Variants in CTNNA3 observed in about 807,000 individuals in gnomAD.
CTNNA3 encodes the protein catenin alpha 3, also known as catenin alpha-3.
CTNNA3 carries 76 observed loss-of-function variants against 95.7 expected under a neutral mutation model. The ratio of observed to expected loss-of-function variants is 0.79; its 90% CI spans 0.66 to 0.96. CTNNA3 has a LOEUF of 0.96. Among genes scored for constraint, CTNNA3 ranks in the 40% least tolerant of loss-of-function variants. The pLI is 0.00. For synonymous variants in CTNNA3, 431 were observed against 374.4 expected (o/e 1.15, Z -1.74); for missense variants, 1,191 against 1,089.8 (o/e 1.09, Z -1.31).
chr10:66,331,352 T>G (rs1341941670), intron 12 of CTNNA3, among the ~76,000 whole-genome samples: 1 of 121,890 alleles, frequency 8.2e-6, no homozygotes, highest in Non-Finnish European at 1.7e-5. Flanking sequence ...GTTTTTTTTT[T>G]TTTTTTTTTT....
chr10:66,829,793 A>G (rs1460838661), intron 7 of CTNNA3, among the ~76,000 whole-genome samples: 1 of 151,546 alleles, frequency 6.6e-6, no homozygotes, highest in African/African-American at 2.4e-5. Context: ...ACCACCACCT[A>G]CTGATCAGAA....
chr10:67,279,971 C>T (rs900297677), intron 5 of CTNNA3, among the ~76,000 whole-genome samples: 1 of 150,530 alleles, frequency 6.6e-6, no homozygotes, highest in African/African-American at 2.5e-5. Flanking sequence ...TACCAAAAAT[C>T]ATATCTATTA....
rs397977100 is a variant in CTNNA3, at chr10:67,609,090, C to CAAAAAAA, written c.100-2048_100-2042dup. Among the ~76,000 whole-genome samples, 94 of 79,422 alleles carry CAAAAAAA rather than the reference C, an allele frequency of 1.2e-3. 1 individual carries two copies. The highest frequency in any genetic ancestry group is 2.1e-3 in the East Asian group (6 of 2,878). The allele number at this position is 79,422 out of a possible 152,430, so 52.1% of individuals were successfully genotyped here. ...GGGCAACAAGGGCAAAACTCTATCT[C>CAAAAAAA]AAAAAAAAAAAAAAAAAAAACAACC... On this transcript the variant is annotated intron_variant, in intron 2 of 17. Transcript: ENST00000433211.
chr10:66,269,880 G>C (rs557459178), intron 13 of CTNNA3, among the ~76,000 whole-genome samples: 1 of 152,016 alleles, frequency 6.6e-6, no homozygotes, highest in African/African-American at 2.4e-5. Context: ...ACAACCACAC[G>C]GATCCGACTT....
chr10:66,448,437 A>G (rs1422169315), intron 11 of CTNNA3, among the ~76,000 whole-genome samples: 1 of 152,156 alleles, frequency 6.6e-6, no homozygotes, highest in Non-Finnish European at 1.5e-5. Flanking sequence ...CAAATGTCCA[A>G]CAGCGATAGA....
At chr10:67,751,166 C>G in intron 1 of CTNNA3, 1 of 1,282,454 alleles carries the variant, frequency 7.8e-7, no homozygotes, top group Non-Finnish European at 1.1e-6. Flanking sequence ...TCAACAGAAA[C>G]TGGAGGGCCC....
At chr10:67,000,856 G>T (rs1851645154) in intron 7 of CTNNA3, among the ~76,000 whole-genome samples, 1 of 152,114 alleles carries the variant, frequency 6.6e-6, no homozygotes, top group Non-Finnish European at 1.5e-5. Context: ...TTTAATTTTG[G>T]TATGTCTAGC....
rs563866607 is a variant in CTNNA3 at position 67,305,352 on chromosome 10, C to T, written c.580-85482G>A. Among the ~76,000 whole-genome samples the T allele has an allele frequency of 9.6e-5, 11 of 114,898 alleles. No individual in the cohort carries two copies. The South Asian group carries it at 1.1e-3, about 11-fold the overall frequency. The allele number at this position is 114,898 out of a possible 152,430, so 75.4% of individuals were successfully genotyped here. On this transcript the variant is annotated intron_variant, in intron 5 of 17. Transcript: ENST00000433211. ...CGCAATGTGCACATGTACCCTAAAA[C>T]TTAGAGTATAATAAAAAAAAAAAAT...
At chr10:67,076,172 T>C (rs1010225915) in intron 7 of CTNNA3, among the ~76,000 whole-genome samples, 2 of 152,242 alleles carry the variant, frequency 1.3e-5, no homozygotes, top group African/African-American at 4.8e-5. Context: ...GAAGATTCAA[T>C]TCCTCCAGAG....
intron 7 of CTNNA3, among the ~76,000 whole-genome samples, chr10:66,998,686 A>T (rs2140370): frequency 0.52 from 78,553 of 151,928 alleles, 20,993 homozygotes; most frequent in Middle Eastern, 0.73. Context: ...CATATGTGAG[A>T]AATAACATTG....
At chr10:67,195,035 T>A (rs991399958) in intron 6 of CTNNA3, among the ~76,000 whole-genome samples, 4 of 151,858 alleles carry the variant, frequency 2.6e-5, no homozygotes, top group African/African-American at 9.7e-5. Context: ...ATGGGAAGAA[T>A]CAAAATGTGT....
intron 1 of CTNNA3, among the ~76,000 whole-genome samples, chr10:67,734,068 T>G (rs1258436139): frequency 2.6e-5 from 4 of 152,180 alleles, no homozygotes; most frequent in Non-Finnish European, 4.4e-5. Flanking sequence ...AGGTAGAGTT[T>G]AAGTTCCTTC....
chr10:66,354,094 C>T (rs1421323357), intron 12 of CTNNA3, among the ~76,000 whole-genome samples: 1 of 151,910 alleles, frequency 6.6e-6, no homozygotes, highest in Non-Finnish European at 1.5e-5. Flanking sequence ...ACCAGCCTGG[C>T]CAACATGGCA....
chr10:67,722,500 T>C (rs1841185151), intron 1 of CTNNA3, among the ~76,000 whole-genome samples: 1 of 152,098 alleles, frequency 6.6e-6, no homozygotes, highest in Non-Finnish European at 1.5e-5. Context: ...GAGAAAACAA[T>C]ATAAAGATGA....
intron 7 of CTNNA3, among the ~76,000 whole-genome samples, chr10:66,900,412 G>A (rs1277610286): frequency 6.6e-6 from 1 of 152,118 alleles, no homozygotes; most frequent in Admixed American, 6.5e-5. Context: ...ACAAAGATGG[G>A]GAGAAACCAG....
intron 7 of CTNNA3, among the ~76,000 whole-genome samples, chr10:66,782,584 T>C (rs1464662930): frequency 6.6e-6 from 1 of 152,046 alleles, no homozygotes; most frequent in African/African-American, 2.4e-5. Flanking sequence ...TTTGTTATCT[T>C]TTATTTATAC....
intron 7 of CTNNA3, among the ~76,000 whole-genome samples, chr10:67,038,232 GA>G (rs1564847255): frequency 1.6e-4 from 25 of 151,958 alleles, no homozygotes; most frequent in African/African-American, 5.8e-4. Flanking sequence ...TGTTGTTGTT[GA>G]TTAGCCATTC....
chr10:66,509,639 T>C (rs1330351026), intron 11 of CTNNA3, among the ~76,000 whole-genome samples: 2 of 151,992 alleles, frequency 1.3e-5, no homozygotes, highest in Non-Finnish European at 1.5e-5. Flanking sequence ...TTTTTCAATG[T>C]ATATTCTTGA....
At chr10:66,012,231 A>G (rs1174973087) in intron 15 of CTNNA3, among the ~76,000 whole-genome samples, 1 of 152,208 alleles carries the variant, frequency 6.6e-6, no homozygotes, top group Non-Finnish European at 1.5e-5. Flanking sequence ...AATAAATAGT[A>G]ATAAGGTAGT....
Sources: gnomAD v4.1 joint callset for allele counts (sites outside exome capture counted in the v4.1 genomes callset) on GRCh38, gnomAD v4.1.1 for gene constraint, MANE v1.5 for transcripts, NCBI Gene and HGNC (gene_info 2026-07-23, HGNC 2026-07-21) for gene names.